Variants in NHS observed in about 807,000 individuals in gnomAD.
NHS encodes the protein actin remodeling regulator NHS.
NHS carries 5 observed loss-of-function variants against 72.5 expected under a neutral mutation model. The ratio of observed to expected loss-of-function variants is 0.07; its 90% CI spans 0.04 to 0.14. The LOEUF is 0.14. NHS is among the 10% of genes least tolerant of loss of function. NHS has a pLI of 1.00. For synonymous variants in NHS, 464 were observed against 547.7 expected, an observed-to-expected ratio of 0.85 and a Z score of 2.13; for missense variants, 1,072 against 1,355.7, an observed-to-expected ratio of 0.79 and a Z score of 3.29.
chrX:17,567,711 A>C (rs1263293037), intron 1 of NHS, among the ~76,000 whole-genome samples: 1 of 109,488 alleles, frequency 9.1e-6, no homozygotes, highest in Non-Finnish European at 1.9e-5. Flanking sequence ...AGAGAAAAGA[A>C]AAAGAGAGGA....
chrX:17,610,520 T>C (rs1159572674), intron 1 of NHS, among the ~76,000 whole-genome samples: 1 of 112,191 alleles, frequency 8.9e-6, no homozygotes, highest in Non-Finnish European at 1.9e-5. Context: ...GGGAATCTGA[T>C]GGATATTTGG....
At position 17,728,752 on chromosome X, in the gene NHS, G is replaced by A; in HGVS notation, c.4326G>A (p.Glu1442=). The A allele has an allele frequency of 8.3e-7, 1 of 1,211,484 alleles. No homozygotes were observed. The highest frequency in any genetic ancestry group is 1.1e-6 in the Non-Finnish European group (1 of 895,343). ...CTCCAAACAAACCTCGAACAACTGA[G>A]GATTTATTTGCAGTCATTCACAGGT... ...FVSPNKPRTT[E]DLFAVIHRSK... The change falls in exon 8 of 9, where the codon GAG becomes GAA. Residue 1442 remains glutamate (E), a synonymous_variant. Coordinates refer to ENST00000676302, the MANE Select transcript of NHS (RefSeq NM_001291867.2).
chrX:17,719,420 G>C lies in NHS; in HGVS notation c.915+14G>C. 8.7e-7 allele frequency: 1 copy of C among 1,146,986 alleles called. No individual in the cohort carries two copies. Among genetic ancestry groups the C allele is most frequent in the Non-Finnish European group, 1.2e-6 (1 of 855,266 alleles). 94.5% of individuals were successfully genotyped at this position (1,146,986 alleles called of 1,213,427 possible). On this transcript the variant is annotated intron_variant, in intron 4 of 8. Transcript: ENST00000676302. ...TGGAGTAGAAAGGTATTGGTTCTGA[G>C]AACATTCCTTCACGGCCCTATCCCA...
At position 17,719,361 on chromosome X, in the gene NHS, G is replaced by A. The variant is rs755068848; in HGVS notation, c.870G>A (p.Ser290=). The A allele has an allele frequency of 3.4e-6, 4 of 1,165,987 alleles. No homozygotes were observed. Among genetic ancestry groups the A allele is most frequent in the South Asian group, 1.9e-5 (1 of 52,608 alleles). The part of the protein sequence containing the change: ...RHFLTFNSTR[S]PSPTECCHMT... ...GTTCATAGTTTAACAGCACCCGTTC[G>A]CCCTCCCCCACTGAATGTTGCCACA... The change falls in exon 4 of 9, where the codon TCG becomes TCA. Residue 290 remains serine, a synonymous_variant. Coordinates refer to ENST00000676302, the MANE Select transcript of NHS (RefSeq NM_001291867.2).
In NHS at chrX:17,389,554, G is replaced by A. The variant is rs898120965; in HGVS notation, c.565+13232G>A. On this transcript the variant is annotated intron_variant, in intron 1 of 8. Transcript: ENST00000676302. ...TAAAAATCTAGCCTCAGAGGTGCCA[G>A]GGGTAACTTAGAAGTAGGAGCCTTT... Among the ~76,000 whole-genome samples, 24 of 110,453 alleles carry A rather than the reference G, an allele frequency of 2.2e-4. 1 individual carries two copies. Among genetic ancestry groups the A allele is most frequent in the Middle Eastern group, 4.2e-3 (1 of 237 alleles).
chrX:17,494,076 CTTTTTTTTTT>C (rs749475125), intron 1 of NHS, among the ~76,000 whole-genome samples: 3 of 73,321 alleles, frequency 4.1e-5, no homozygotes, highest in Non-Finnish European at 7.6e-5. Flanking sequence ...TCCTGGATGA[CTTTTTTTTTT>C]TTTTTTTTTT....
intron 1 of NHS, among the ~76,000 whole-genome samples, chrX:17,672,672 C>G (rs1195114014): frequency 8.9e-6 from 1 of 112,472 alleles, no homozygotes; most frequent in Admixed American, 9.4e-5. Context: ...TCGCCATTGT[C>G]ATTTCCTCAA....
chrX:17,616,877 A>G (rs770864752), intron 1 of NHS, among the ~76,000 whole-genome samples: 1 of 112,587 alleles, frequency 8.9e-6, no homozygotes, highest in South Asian at 3.7e-4. Context: ...CCCAATAGCC[A>G]CATGTGACTA....
intron 1 of NHS, among the ~76,000 whole-genome samples, chrX:17,616,835 A>G (rs1397253914): frequency 8.9e-6 from 1 of 112,593 alleles, no homozygotes; most frequent in African/African-American, 3.2e-5. Context: ...TTTAAATTCC[A>G]TTCTTTGGAC....
chrX:17,717,048 A>G (rs1430205583), intron 3 of NHS, among the ~76,000 whole-genome samples: 5 of 105,765 alleles, frequency 4.7e-5, no homozygotes, highest in Non-Finnish European at 9.7e-5. Flanking sequence ...GCTCACTGCA[A>G]CCTCTGCCTC....
In NHS at chrX:17,514,216, C is replaced by G. The variant is rs1181258290; in HGVS notation, c.565+137894C>G. Among the ~76,000 whole-genome samples, 6 of 112,534 alleles carry G rather than the reference C, an allele frequency of 5.3e-5. No homozygotes were observed. The East Asian group carries it at 1.7e-3, about 31-fold the overall frequency. On this transcript the variant is annotated intron_variant, in intron 1 of 8. Transcript: ENST00000676302. Reference sequence around the variant, plus strand: ...ACAAAGCCAAACCAAATCAGCATGTCTGTGAGGGTGTTACCAAAGGAGATT... The same window carrying G: ...ACAAAGCCAAACCAAATCAGCATGTGTGTGAGGGTGTTACCAAAGGAGATT...
intron 1 of NHS, among the ~76,000 whole-genome samples, chrX:17,464,841 C>G (rs895395163): frequency 2.7e-5 from 3 of 112,044 alleles, no homozygotes; most frequent in African/African-American, 9.7e-5. Context: ...ATAGCCAGGT[C>G]TGCCTTTGGT....
chrX:17,695,824 C>A (rs1386226139), intron 3 of NHS, among the ~76,000 whole-genome samples: 1 of 108,975 alleles, frequency 9.2e-6, no homozygotes, highest in Non-Finnish European at 1.9e-5. Flanking sequence ...ACCCTAAACC[C>A]TTTGTTAGCT....
At chrX:17,419,805 A>G (rs2064614513) in intron 1 of NHS, among the ~76,000 whole-genome samples, 1 of 111,821 alleles carries the variant, frequency 8.9e-6, no homozygotes, top group African/African-American at 3.2e-5. Context: ...AAGGTATATG[A>G]TAGCTTCTTT....
intron 1 of NHS, among the ~76,000 whole-genome samples, chrX:17,651,825 A>G (rs2065932197): frequency 8.9e-6 from 1 of 112,790 alleles, no homozygotes; most frequent in Non-Finnish European, 1.9e-5. Flanking sequence ...GCTCAGAACA[A>G]TAAGGGGCTT....
chrX:17,731,224 CTTTTTTTTTTTTTTTTTTT>C (rs142686353), intron 8 of NHS, among the ~76,000 whole-genome samples: 2 of 34,822 alleles, frequency 5.7e-5, no homozygotes, highest in Non-Finnish European at 9.2e-5. Context: ...TAGTTTCTTC[CTTTTTTTTTTTTTTTTTTT>C]TTTTTTTTTG....
intron 1 of NHS, among the ~76,000 whole-genome samples, chrX:17,389,399 G>A (rs2064428409): frequency 9.0e-6 from 1 of 111,179 alleles, no homozygotes; most frequent in South Asian, 3.8e-4. Flanking sequence ...CTAAGAATTA[G>A]TGATTCCATT....
intron 1 of NHS, among the ~76,000 whole-genome samples, chrX:17,515,013 A>G (rs768928588): frequency 2.7e-5 from 3 of 111,701 alleles, no homozygotes; most frequent in Non-Finnish European, 5.6e-5. Flanking sequence ...GTTGAACTAT[A>G]AATCAGGTCA....
intron 1 of NHS, among the ~76,000 whole-genome samples, chrX:17,460,614 C>T (rs768632743): frequency 1.8e-5 from 2 of 111,661 alleles, no homozygotes; most frequent in African/African-American, 6.5e-5. Flanking sequence ...CACCCCCAGC[C>T]CCAGACAACC....
Sources: gnomAD v4.1 joint callset for allele counts (sites outside exome capture counted in the v4.1 genomes callset) on GRCh38, gnomAD v4.1.1 for gene constraint, MANE v1.5 for transcripts, NCBI Gene and HGNC (gene_info 2026-07-23, HGNC 2026-07-21) for gene names.